The following KHDRBS2 variants were observed in gnomAD, a reference collection of about 807,000 sequenced individuals.
KHDRBS2 encodes KH RNA binding domain containing, signal transduction associated 2.
A neutral mutation model predicts 44.3 loss-of-function variants in KHDRBS2; 26 were observed. The observed-to-expected ratio is 0.59, with a 90% CI of 0.43 to 0.81. KHDRBS2 has a LOEUF of 0.81. KHDRBS2 is among the 40% of genes least tolerant of loss of function. The pLI is 0.00. For synonymous variants in KHDRBS2, 194 were observed against 151.1 expected (o/e 1.28, Z -2.08); for missense variants, 476 against 433.1 (o/e 1.10, Z -0.88).
intron 7 of KHDRBS2, among the ~76,000 whole-genome samples, chr6:61,728,341 G>A (rs11969830): frequency 0.055 from 8,374 of 151,916 alleles, 363 homozygotes; most frequent in African/African-American, 0.11. Flanking sequence ...ATGGATGCTG[G>A]GCTTAATACC....
the KHDRBS2 span, among the ~76,000 whole-genome samples, chr6:61,638,694 A>C: frequency 6.6e-6 from 1 of 152,162 alleles, no homozygotes; most frequent in African/African-American, 2.4e-5. Context: ...TAACAGTAAA[A>C]ATCAATTAGC....
intron 6 of KHDRBS2, among the ~76,000 whole-genome samples, chr6:61,829,090 C>T (rs1262849277): frequency 6.6e-6 from 1 of 152,152 alleles, no homozygotes; most frequent in Non-Finnish European, 1.5e-5. Context: ...TAATATAACA[C>T]AGATGTACGT....
intron 6 of KHDRBS2, among the ~76,000 whole-genome samples, chr6:61,850,213 A>G (rs1209258957): frequency 6.6e-6 from 1 of 151,800 alleles, no homozygotes; most frequent in Non-Finnish European, 1.5e-5. Context: ...TATTATTTAT[A>G]TTAGTTTTTT....
chr6:61,892,584 A>C (rs9453374), intron 6 of KHDRBS2, among the ~76,000 whole-genome samples: 75,310 of 151,830 alleles, frequency 0.5, 18,927 homozygotes, highest in East Asian at 0.57. Context: ...ACAGAGTCCT[A>C]AGAAATAATG....
chr6:61,818,038 C>A (rs1293761659), intron 6 of KHDRBS2, among the ~76,000 whole-genome samples: 1 of 151,906 alleles, frequency 6.6e-6, no homozygotes, highest in Non-Finnish European at 1.5e-5. Flanking sequence ...AACCCAGAGG[C>A]TTGAATCACA....
chr6:62,088,081 T>C (rs1195364771), intron 2 of KHDRBS2, among the ~76,000 whole-genome samples: 4 of 152,208 alleles, frequency 2.6e-5, no homozygotes, highest in Non-Finnish European at 4.4e-5. Context: ...GTTATTCTAG[T>C]TAGCAATTCC....
the KHDRBS2 span, among the ~76,000 whole-genome samples, chr6:61,638,850 T>C: frequency 6.6e-6 from 1 of 152,136 alleles, no homozygotes; most frequent in African/African-American, 2.4e-5. Flanking sequence ...CTATCTTTAA[T>C]AGAGTTATCT....
intron 7 of KHDRBS2, among the ~76,000 whole-genome samples, chr6:61,697,736 G>A (rs1365819001): frequency 6.6e-6 from 1 of 151,818 alleles, no homozygotes; most frequent in Non-Finnish European, 1.5e-5. Context: ...AAGCTATTTT[G>A]TTTCACTCGA....
intron 1 of KHDRBS2, among the ~76,000 whole-genome samples, chr6:62,256,452 A>C (rs745962630): frequency 1.1e-4 from 16 of 151,984 alleles, no homozygotes; most frequent in Non-Finnish European, 1.9e-4. Flanking sequence ...ATAGTGAATA[A>C]GTCTCACTAT....
the KHDRBS2 span, among the ~76,000 whole-genome samples, chr6:61,664,532 T>A: frequency 2.0e-5 from 3 of 151,768 alleles, no homozygotes; most frequent in Admixed American, 6.6e-5. Context: ...CAAATCCTGA[T>A]GTATACATAT....
intron 6 of KHDRBS2, among the ~76,000 whole-genome samples, chr6:61,867,181 C>T (rs1245164068): frequency 6.6e-6 from 1 of 152,178 alleles, no homozygotes; most frequent in East Asian, 1.9e-4. Flanking sequence ...AATGGATTCA[C>T]ACTTCCACGT....
chr6:61,892,705 A>G (rs1802125556), intron 6 of KHDRBS2, among the ~76,000 whole-genome samples: 1 of 152,232 alleles, frequency 6.6e-6, no homozygotes, highest in African/African-American at 2.4e-5. Context: ...CCATATGTAG[A>G]AAGCTGAAAC....
At chr6:61,838,732 A>G (rs1374735892) in intron 6 of KHDRBS2, among the ~76,000 whole-genome samples, 2 of 152,014 alleles carry the variant, frequency 1.3e-5, no homozygotes, top group South Asian at 2.1e-4. Flanking sequence ...CCAACTTGCT[A>G]TCATCCTTCA....
the KHDRBS2 span, among the ~76,000 whole-genome samples, chr6:61,634,875 C>T: frequency 2.6e-5 from 4 of 152,164 alleles, no homozygotes; most frequent in South Asian, 8.3e-4. Flanking sequence ...CAACATCTGG[C>T]TTATTGCAGC....
the KHDRBS2 span, among the ~76,000 whole-genome samples, chr6:61,634,955 A>G: frequency 6.6e-6 from 1 of 152,042 alleles, no homozygotes; most frequent in East Asian, 1.9e-4. Context: ...TAACTGCCAA[A>G]AAAAGAAGCT....
intron 2 of KHDRBS2, among the ~76,000 whole-genome samples, chr6:62,131,278 A>T (rs1229607968): frequency 1.3e-5 from 2 of 152,198 alleles, no homozygotes; most frequent in African/African-American, 4.8e-5. Flanking sequence ...TAGCTTTCTC[A>T]TTTGTTAAGT....
rs181572434 is a variant in KHDRBS2, at chr6:61,982,982, T to C, written c.337-4770A>G. Among the ~76,000 whole-genome samples the C allele has an allele frequency of 2.9e-3, 442 of 152,170 alleles. 2 individuals are homozygous for C. Among genetic ancestry groups the C allele is most frequent in the Non-Finnish European group, 4.4e-3 (300 of 68,008 alleles). ...GAAATGAAATATTTATCTTTTTCTC[T>C]TTGTCTAATTCCTTCAGAATTGGGA... is the stretch of plus-strand genomic sequence containing the variant. On this transcript the variant is annotated intron_variant, in intron 3 of 8. Transcript: ENST00000281156.
chr6:62,089,373 G>A (rs1307744143), intron 2 of KHDRBS2, among the ~76,000 whole-genome samples: 1 of 152,100 alleles, frequency 6.6e-6, no homozygotes, highest in East Asian at 1.9e-4. Flanking sequence ...AGGCACCTGA[G>A]GGAATCTCCT....
intron 6 of KHDRBS2, among the ~76,000 whole-genome samples, chr6:61,893,623 A>G (rs1357921346): frequency 6.6e-6 from 1 of 152,160 alleles, no homozygotes; most frequent in African/African-American, 2.4e-5. Flanking sequence ...GCTGGAAACC[A>G]TCATTCTCAG....
Sources: allele counts gnomAD v4.1 joint callset (sites outside exome capture counted in the v4.1 genomes callset), GRCh38; gene constraint gnomAD v4.1.1; transcripts MANE v1.5; gene names NCBI Gene and HGNC (gene_info 2026-07-23, HGNC 2026-07-21).